The following KAZN variants were observed in gnomAD, a reference collection of about 807,000 sequenced individuals.
KAZN encodes the protein kazrin.
In KAZN, 40 loss-of-function variants were observed where a neutral mutation model predicts 87.4. The ratio of observed to expected loss-of-function variants is 0.46; its 90% confidence interval spans 0.36 to 0.60. The LOEUF (loss-of-function observed/expected upper bound fraction) is 0.60, where lower values mean the gene tolerates loss of function less well. Ranked by LOEUF, KAZN falls within the 20% of genes least tolerant of loss-of-function variation. The pLI is 0.00. For missense variants in KAZN, 898 were observed against 1,073.9 expected (o/e 0.84, Z 2.29); for synonymous variants, 466 against 458.3 (o/e 1.02, Z -0.22).
At position 14,078,313 on chromosome 1, in the gene KAZN, C is replaced by A. The variant is rs764537870; in HGVS notation, c.92-102122C>A. On this transcript the variant is annotated intron_variant, in intron 1 of 16. Coordinates refer to the KAZN transcript ENST00000636203. ...TGCTTATCCCGCTAGATCTAAACTC[C>A]ATCCACAGCATTCAGCATCGTGATT... Among the ~76,000 whole-genome samples, 3 of 152,152 alleles carry A rather than the reference C, an allele frequency of 2.0e-5. No individual in the cohort carries two copies. The South Asian group carries it at 6.2e-4, about 32-fold the overall frequency.
chr1:14,629,273 C>T lies in KAZN; in HGVS notation c.226+30050C>T, dbSNP rs1474593716. ...CGTGTGTTTATTTGTTAGTGCCTGA[C>T]ATTGTAAGAAACATGTTTTTCTCTC... is the stretch of plus-strand genomic sequence containing the variant. On this transcript the variant is annotated intron_variant, in intron 1 of 14. Transcript: ENST00000376030. 2.0e-5 allele frequency among the ~76,000 whole-genome samples: 3 copies of T among 152,188 alleles called. No individual in the cohort carries two copies. In the East Asian group the frequency reaches 5.8e-4, roughly 29 times the overall value.
intron 1 of KAZN, among the ~76,000 whole-genome samples, chr1:13,938,139 A>G (rs1640809305): frequency 6.6e-6 from 1 of 152,214 alleles, no homozygotes; most frequent in African/African-American, 2.4e-5. Flanking sequence ...CATTTTAAAA[A>G]TATTGATTCT....
intron 1 of KAZN, among the ~76,000 whole-genome samples, chr1:13,985,062 C>T (rs996394425): frequency 6.6e-6 from 1 of 152,044 alleles, no homozygotes; most frequent in South Asian, 2.1e-4. Flanking sequence ...GCTGTATTGG[C>T]CAGGATTCTC....
At chr1:14,679,307 G>A (rs1640428822) in intron 1 of KAZN, among the ~76,000 whole-genome samples, 1 of 152,040 alleles carries the variant, frequency 6.6e-6, no homozygotes, top group African/African-American at 2.4e-5. Flanking sequence ...GAAGGAATAG[G>A]CAAGGCAGAG....
intron 1 of KAZN, among the ~76,000 whole-genome samples, chr1:13,995,219 C>CAAAAAAAAAAAAAAAAAAAAAA (rs113600200): frequency 1.2e-4 from 13 of 107,368 alleles, no homozygotes; most frequent in South Asian, 3.5e-4. Context: ...TGCAATAAGG[C>CAAAAAAAAAAAAAAAAAAAAAA]AAAAAAAAAA....
intron 2 of KAZN, among the ~76,000 whole-genome samples, chr1:14,250,258 C>G (rs1649897182): frequency 6.6e-6 from 1 of 152,044 alleles, no homozygotes; most frequent in African/African-American, 2.4e-5. Context: ...TTATGCTAAT[C>G]ATTACGTTTT....
At chr1:14,989,365 A>G (rs1367489263) in intron 2 of KAZN, among the ~76,000 whole-genome samples, 2 of 152,214 alleles carry the variant, frequency 1.3e-5, no homozygotes. Context: ...AATCCCAGCT[A>G]CTTGAGAGGC....
At chr1:15,067,461 G>T (rs1573241559) in intron 8 of KAZN, 11 of 985,300 alleles carry the variant, frequency 1.1e-5, no homozygotes, top group Non-Finnish European at 1.2e-5. Context: ...GTTCAGCAAG[G>T]TCTGCCCAAG....
chr1:15,102,016 C>G (rs564490597), intron 11 of KAZN, among the ~76,000 whole-genome samples: 4 of 152,234 alleles, frequency 2.6e-5, no homozygotes, highest in Non-Finnish European at 5.9e-5. Context: ...CAACAACCCC[C>G]TATTGGGCAC....
intron 1 of KAZN, among the ~76,000 whole-genome samples, chr1:14,147,155 T>G (rs1645370962): frequency 6.6e-6 from 1 of 152,218 alleles, no homozygotes; most frequent in Non-Finnish European, 1.5e-5. Context: ...AAAATATGTG[T>G]TAATAGATAT....
chr1:14,398,553 T>G (rs558386344), intron 2 of KAZN, among the ~76,000 whole-genome samples: 1 of 152,304 alleles, frequency 6.6e-6, no homozygotes, highest in East Asian at 1.9e-4. Context: ...CAGGTGAGGT[T>G]GGTTGATGCC....
chr1:14,419,291 CAAAA>C (rs1665142208), intron 2 of KAZN, among the ~76,000 whole-genome samples: 1 of 152,122 alleles, frequency 6.6e-6, no homozygotes, highest in African/African-American at 2.4e-5. Context: ...TCATAAAGCG[CAAAA>C]GAAAGAAAGG....
chr1:14,758,673 G>C (rs180691140), intron 1 of KAZN, among the ~76,000 whole-genome samples: 2 of 152,294 alleles, frequency 1.3e-5, no homozygotes, highest in East Asian at 3.9e-4. Context: ...TGTGAAGCAG[G>C]CAGCAGCTTG....
At chr1:14,162,552 T>C (rs1337186805) in intron 1 of KAZN, among the ~76,000 whole-genome samples, 1 of 142,770 alleles carries the variant, frequency 7.0e-6, no homozygotes, top group Non-Finnish European at 1.5e-5. Context: ...TTTTTCTTTT[T>C]TTTTTTTTTT....
At chr1:15,034,992 A>G in intron 3 of KAZN, 107 bp downstream of exon 3, 1 of 1,377,858 alleles carries the variant, frequency 7.3e-7, no homozygotes, top group South Asian at 1.3e-5. Context: ...CCAAACACAG[A>G]TAGGGAGGCC....
At chr1:14,364,895 GTTTT>G (rs962359400) in intron 2 of KAZN, among the ~76,000 whole-genome samples, 1 of 151,978 alleles carries the variant, frequency 6.6e-6, no homozygotes, top group Admixed American at 6.6e-5. Flanking sequence ...TCCTTCCTCT[GTTTT>G]TTTGTTTTGT....
At chr1:14,418,179 C>A (rs1664986637) in intron 2 of KAZN, among the ~76,000 whole-genome samples, 1 of 152,042 alleles carries the variant, frequency 6.6e-6, no homozygotes, top group South Asian at 2.1e-4. Flanking sequence ...AACCTTAGAT[C>A]TTACTAAAGG....
At chr1:14,569,834 C>G (rs1354601225) in intron 2 of KAZN, among the ~76,000 whole-genome samples, 1 of 150,558 alleles carries the variant, frequency 6.6e-6, no homozygotes, top group Non-Finnish European at 1.5e-5. Context: ...GATGCCCCAC[C>G]AGGCGTGGTG....
At chr1:14,965,125 G>A (rs979015377) in intron 2 of KAZN, among the ~76,000 whole-genome samples, 2 of 150,880 alleles carry the variant, frequency 1.3e-5, no homozygotes, top group Admixed American at 6.6e-5. Context: ...TCTGCCTCCC[G>A]GGCTCAAATG....
Sources: gnomAD v4.1 joint callset for allele counts (sites outside exome capture counted in the v4.1 genomes callset) on GRCh38, gnomAD v4.1.1 for gene constraint, MANE v1.5 for transcripts, NCBI Gene and HGNC (gene_info 2026-07-23, HGNC 2026-07-21) for gene names.